Variants in ITFG1 observed in about 807,000 individuals in gnomAD.
ITFG1 encodes the protein T-cell immunomodulatory protein.
ITFG1 carries 34 observed loss-of-function variants against 81.8 expected under a neutral mutation model. That is an observed-to-expected ratio of 0.42 (90% CI 0.32 to 0.55). The LOEUF (loss-of-function observed/expected upper bound fraction) is 0.55, where lower values mean the gene tolerates loss of function less well. Among genes scored for constraint, ITFG1 ranks in the 20% least tolerant of loss-of-function variants. The probability of loss-of-function intolerance (pLI) is 0.17; values close to 1 mark genes in which losing one functional copy is unlikely to be tolerated. For synonymous variants in ITFG1, 285 were observed against 270.6 expected (o/e 1.05, Z -0.52); for missense variants, 672 against 755.4 (o/e 0.89, Z 1.29).
chr16:47,424,455 G>A (rs544000878), intron 6 of ITFG1, among the ~76,000 whole-genome samples: 16 of 152,188 alleles, frequency 1.1e-4, no homozygotes, highest in East Asian at 3.9e-4. Context: ...CTCATTCTTC[G>A]TCCAATTTTG....
intron 6 of ITFG1, among the ~76,000 whole-genome samples, chr16:47,393,217 C>G (rs1968554131): frequency 6.6e-6 from 1 of 152,062 alleles, no homozygotes. Context: ...GTTTCCTGGC[C>G]CTCTAACAAG....
At chr16:47,361,775 T>C (rs959797278) in intron 8 of ITFG1, among the ~76,000 whole-genome samples, 2 of 152,212 alleles carry the variant, frequency 1.3e-5, no homozygotes, top group African/African-American at 4.8e-5. Flanking sequence ...GGTCTTTTCT[T>C]GGTCTTCTTT....
At chr16:47,340,896 C>T (rs1967772600) in intron 8 of ITFG1, among the ~76,000 whole-genome samples, 1 of 151,956 alleles carries the variant, frequency 6.6e-6, no homozygotes, top group African/African-American at 2.4e-5. Context: ...CAAATAAGAA[C>T]ATTGTATAAT....
chr16:47,200,962 T>C (rs1965417320), intron 14 of ITFG1, among the ~76,000 whole-genome samples: 1 of 152,146 alleles, frequency 6.6e-6, no homozygotes, highest in Admixed American at 6.5e-5. Context: ...CCTGGCTCAT[T>C]TTCCCAATAA....
At chr16:47,318,676 G>T (rs1175896713) in intron 8 of ITFG1, among the ~76,000 whole-genome samples, 1 of 152,040 alleles carries the variant, frequency 6.6e-6, no homozygotes, top group African/African-American at 2.4e-5. Flanking sequence ...GACAGAAATA[G>T]TTCAATATTT....
At chr16:47,334,196 C>G (rs1967673158) in intron 8 of ITFG1, among the ~76,000 whole-genome samples, 2 of 152,116 alleles carry the variant, frequency 1.3e-5, no homozygotes, top group African/African-American at 4.8e-5. Context: ...TATCTGTAAT[C>G]CCAGCACTTT....
chr16:47,272,086 A>G (rs1359921927), intron 10 of ITFG1, among the ~76,000 whole-genome samples: 2 of 152,244 alleles, frequency 1.3e-5, no homozygotes, highest in East Asian at 3.9e-4. Flanking sequence ...ACAGAAAGAA[A>G]GGAATACTGC....
intron 10 of ITFG1, among the ~76,000 whole-genome samples, chr16:47,263,896 A>T (rs998172456): frequency 6.6e-6 from 1 of 152,146 alleles, no homozygotes; most frequent in African/African-American, 2.4e-5. Context: ...CAGTTCTTTA[A>T]AATTCTACAG....
At chr16:47,397,530 A>T (rs1247321154) in intron 6 of ITFG1, among the ~76,000 whole-genome samples, 1 of 152,216 alleles carries the variant, frequency 6.6e-6, no homozygotes, top group East Asian at 1.9e-4. Flanking sequence ...TCAACCAGGG[A>T]CTATTTTGCC....
intron 6 of ITFG1, among the ~76,000 whole-genome samples, chr16:47,426,690 T>C (rs1273317091): frequency 1.3e-5 from 2 of 151,966 alleles, no homozygotes; most frequent in African/African-American, 4.8e-5. Context: ...AAATCCACAG[T>C]GTATTTGGGC....
chr16:47,358,356 A>G (rs1335774990), intron 8 of ITFG1, among the ~76,000 whole-genome samples: 1 of 152,254 alleles, frequency 6.6e-6, no homozygotes, highest in East Asian at 1.9e-4. Context: ...AAAGGATATT[A>G]AGAAGCTGTA....
chr16:47,416,864 A>C (rs1020495961), intron 6 of ITFG1, among the ~76,000 whole-genome samples: 4 of 152,232 alleles, frequency 2.6e-5, no homozygotes, highest in African/African-American at 9.6e-5. Flanking sequence ...TCTAGGAATG[A>C]ATATATTCTG....
rs1315661039 is a variant in ITFG1, at chr16:47,156,173, A to G, written c.1780-395T>C. 3.3e-5 allele frequency among the ~76,000 whole-genome samples: 5 copies of G among 152,290 alleles called. No individual in the cohort carries two copies. In the East Asian group the frequency reaches 9.6e-4, roughly 29 times the overall value. ...TAATGGCTGGGTGTGGTGGTGGCTC[A>G]TGCCTGTAATCCCAGCATTTTGGGA... On this transcript the variant is annotated intron_variant, in intron 17 of 17. Transcript: ENST00000320640.
At chr16:47,164,344 G>T (rs1964858243) in intron 14 of ITFG1, among the ~76,000 whole-genome samples, 2 of 152,102 alleles carry the variant, frequency 1.3e-5, no homozygotes, top group South Asian at 2.1e-4. Flanking sequence ...GTGATTTGTT[G>T]TAAGATTTCC....
At chr16:47,269,176 G>T (rs901297466) in intron 10 of ITFG1, among the ~76,000 whole-genome samples, 4 of 152,208 alleles carry the variant, frequency 2.6e-5, no homozygotes, top group African/African-American at 7.2e-5. Context: ...TAAAAGGAAA[G>T]AAAAACAAAG....
intron 6 of ITFG1, among the ~76,000 whole-genome samples, chr16:47,427,030 C>G (rs978861995): frequency 1.3e-5 from 2 of 152,148 alleles, no homozygotes; most frequent in African/African-American, 4.8e-5. Flanking sequence ...TCTTGCCTGT[C>G]TCAACTGTAC....
chr16:47,284,393 T>C (rs1238341288), intron 10 of ITFG1, among the ~76,000 whole-genome samples: 3 of 152,152 alleles, frequency 2.0e-5, no homozygotes, highest in Non-Finnish European at 4.4e-5. Context: ...TAAATAGATA[T>C]TGTGTTCATT....
intron 10 of ITFG1, among the ~76,000 whole-genome samples, chr16:47,271,664 C>G (rs1966342561): frequency 6.6e-6 from 1 of 152,144 alleles, no homozygotes; most frequent in Admixed American, 6.5e-5. Context: ...TTGAGACCAT[C>G]TGGCTAACAT....
chr16:47,259,923 T>C (rs1247027719), intron 11 of ITFG1, among the ~76,000 whole-genome samples: 1 of 152,058 alleles, frequency 6.6e-6, no homozygotes, highest in Non-Finnish European at 1.5e-5. Context: ...GGGTCTGTTA[T>C]TTGTTGGCTG....
Sources: allele counts gnomAD v4.1 joint callset (sites outside exome capture counted in the v4.1 genomes callset), GRCh38; gene constraint gnomAD v4.1.1; transcripts MANE v1.5; gene names NCBI Gene and HGNC (gene_info 2026-07-23, HGNC 2026-07-21).